DSCAM: variants seen among roughly 807,000 people sequenced by gnomAD.
DSCAM encodes DS cell adhesion molecule, also known as cell adhesion molecule DSCAM.
DSCAM carries 47 observed loss-of-function variants against 217.7 expected under a neutral mutation model. That is an observed-to-expected ratio of 0.22 (90% CI 0.17 to 0.28). The LOEUF (loss-of-function observed/expected upper bound fraction) is 0.28, where lower values mean the gene tolerates loss of function less well. Among genes scored for constraint, DSCAM ranks in the 10% least tolerant of loss-of-function variants. The pLI, the probability that DSCAM is intolerant of heterozygous loss-of-function variation, is 1.00. For synonymous variants in DSCAM, 1,056 were observed against 1,015.3 expected, an observed-to-expected ratio of 1.04 and a Z score of -0.76; for missense variants, 2,080 against 2,618.3, an observed-to-expected ratio of 0.79 and a Z score of 4.49.
intron 3 of DSCAM, among the ~76,000 whole-genome samples, chr21:40,387,178 G>T (rs560908652): frequency 5.9e-5 from 9 of 152,098 alleles, no homozygotes; most frequent in South Asian, 2.1e-4. Flanking sequence ...AAAGGAAGAG[G>T]GGGGGTGAAT....
intron 3 of DSCAM, among the ~76,000 whole-genome samples, chr21:40,665,711 C>A (rs1206285595): frequency 1.3e-5 from 2 of 152,204 alleles, no homozygotes; most frequent in African/African-American, 4.8e-5. Context: ...CTACTGCTCA[C>A]CGTTCCACCC....
At chr21:40,843,009 A>G (rs940336554) in intron 1 of DSCAM, among the ~76,000 whole-genome samples, 3 of 152,214 alleles carry the variant, frequency 2.0e-5, no homozygotes, top group Non-Finnish European at 2.9e-5. Context: ...TGTTTAATAA[A>G]GATGGGGGAG....
intron 3 of DSCAM, among the ~76,000 whole-genome samples, chr21:40,533,988 G>T (rs561324293): frequency 6.6e-6 from 1 of 152,104 alleles, no homozygotes; most frequent in African/African-American, 2.4e-5. Flanking sequence ...ATTTTAAAAT[G>T]GCCACATATT....
intron 15 of DSCAM, among the ~76,000 whole-genome samples, chr21:40,175,250 C>T (rs1383021691): frequency 6.6e-6 from 1 of 152,130 alleles, no homozygotes; most frequent in Non-Finnish European, 1.5e-5. Flanking sequence ...GCTGGGATTA[C>T]AGGCATGTGC....
intron 3 of DSCAM, among the ~76,000 whole-genome samples, chr21:40,620,616 C>T (rs990117196): frequency 4.6e-5 from 7 of 151,984 alleles, no homozygotes; most frequent in African/African-American, 1.7e-4. Context: ...GGGAGGCAGG[C>T]AATACCAAAT....
intron 9 of DSCAM, among the ~76,000 whole-genome samples, chr21:40,301,620 T>C (rs112661240): frequency 2.5e-4 from 27 of 108,934 alleles, no homozygotes; most frequent in African/African-American, 1.7e-3. Context: ...TCATCTGGTA[T>C]TGCTGTTTAA....
At chr21:40,765,920 C>T (rs2091384227) in intron 1 of DSCAM, among the ~76,000 whole-genome samples, 1 of 152,210 alleles carries the variant, frequency 6.6e-6, no homozygotes, top group South Asian at 2.1e-4. Flanking sequence ...GAGGAGCTGA[C>T]CTCCGCCCTG....
chr21:40,060,205 A>C (rs2146514788), intron 28 of DSCAM, among the ~76,000 whole-genome samples: 1 of 152,344 alleles, frequency 6.6e-6, no homozygotes, highest in East Asian at 1.9e-4. Context: ...GGTAACTGGC[A>C]ATAGGAAGAC....
chr21:40,844,197 T>C (rs2092126146), intron 1 of DSCAM, among the ~76,000 whole-genome samples: 1 of 152,248 alleles, frequency 6.6e-6, no homozygotes, highest in Admixed American at 6.5e-5. Context: ...AAATATGGTC[T>C]TACAAACAGG....
chr21:40,187,958 A>G lies in DSCAM; in HGVS notation c.2583T>C (p.Gly861=). The G allele has an allele frequency of 6.2e-7, 1 of 1,614,000 alleles. No individual in the cohort carries two copies. Among genetic ancestry groups the G allele is most frequent in the Non-Finnish European group, 8.5e-7 (1 of 1,179,996 alleles). The change falls in exon 13 of 33, where the codon GGT becomes GGC. Residue 861 remains glycine, a synonymous_variant. Transcript: ENST00000400454. ...QILPTVREDS[G]FFSCHAINSY... ...AATTAATAGCATGGCAGGAAAAGAA[A>G]CCAGAATCTTCTCTCACAGTTGGCA...
intron 3 of DSCAM, among the ~76,000 whole-genome samples, chr21:40,602,683 CTCTTT>C (rs1203766183): frequency 6.6e-6 from 1 of 151,992 alleles, no homozygotes; most frequent in Non-Finnish European, 1.5e-5. Context: ...CTGATGAGTT[CTCTTT>C]TATTTCCAAT....
At chr21:40,826,570 C>T (rs978020454) in intron 1 of DSCAM, among the ~76,000 whole-genome samples, 1 of 152,132 alleles carries the variant, frequency 6.6e-6, no homozygotes, top group Non-Finnish European at 1.5e-5. Context: ...AAAAGGAGAA[C>T]GCAGCTTGAA....
intron 11 of DSCAM, among the ~76,000 whole-genome samples, chr21:40,240,349 G>GTTTTTTTTTTTTTTTTT (rs749073872): frequency 3.5e-5 from 2 of 57,722 alleles, no homozygotes; most frequent in African/African-American, 1.5e-4. Flanking sequence ...TTCCTCACTG[G>GTTTTTTTTTTTTTTTTT]TTTTTTTTTT....
At chr21:40,399,483 G>T (rs1334195051) in intron 3 of DSCAM, among the ~76,000 whole-genome samples, 1 of 152,172 alleles carries the variant, frequency 6.6e-6, no homozygotes, top group Non-Finnish European at 1.5e-5. Context: ...GTCAATTCCT[G>T]TGTGCATGCT....
intron 30 of DSCAM, among the ~76,000 whole-genome samples, chr21:40,045,884 T>TC (rs139063544): frequency 0.045 from 6,847 of 152,248 alleles, 319 homozygotes; most frequent in African/African-American, 0.12. Context: ...GGCAATGGTA[T>TC]CCCTCTGTGG....
chr21:40,665,872 T>A (rs2223003), intron 3 of DSCAM, among the ~76,000 whole-genome samples: 1 of 152,206 alleles, frequency 6.6e-6, no homozygotes, highest in Non-Finnish European at 1.5e-5. Flanking sequence ...GGTGTGAAGA[T>A]TGCAGAACCA....
At chr21:40,551,645 CA>C (rs2076630895) in intron 3 of DSCAM, among the ~76,000 whole-genome samples, 1 of 152,076 alleles carries the variant, frequency 6.6e-6, no homozygotes, top group African/African-American at 2.4e-5. Flanking sequence ...GAACCATTTC[CA>C]AAATATGGCA....
intron 3 of DSCAM, among the ~76,000 whole-genome samples, chr21:40,398,984 G>A (rs1300890781): frequency 6.6e-6 from 1 of 152,154 alleles, no homozygotes; most frequent in Non-Finnish European, 1.5e-5. Flanking sequence ...CCAAATTGGG[G>A]TCCAGACCAG....
At chr21:40,641,510 C>A (rs971300452) in intron 3 of DSCAM, among the ~76,000 whole-genome samples, 1 of 152,202 alleles carries the variant, frequency 6.6e-6, no homozygotes, top group Non-Finnish European at 1.5e-5. Context: ...GAAAACAAAC[C>A]AATTTGCTTT....
Sources: gnomAD v4.1 joint callset for allele counts (sites outside exome capture counted in the v4.1 genomes callset) on GRCh38, gnomAD v4.1.1 for gene constraint, MANE v1.5 for transcripts, NCBI Gene and HGNC (gene_info 2026-07-23, HGNC 2026-07-21) for gene names.